MAN2A1: variants seen among roughly 807,000 people sequenced by gnomAD.
The protein encoded by MAN2A1 is mannosidase alpha class 2A member 1.
Under a neutral mutation model 142.6 loss-of-function variants are expected in MAN2A1, and 76 were observed. The ratio of observed to expected loss-of-function variants is 0.53; its 90% CI spans 0.44 to 0.65. MAN2A1 has a LOEUF of 0.65. Ranked by LOEUF, MAN2A1 falls within the 30% of genes least tolerant of loss-of-function variation. MAN2A1 has a pLI of 0.00. For synonymous variants in MAN2A1, 559 were observed against 473.2 expected, an observed-to-expected ratio of 1.18 and a Z score of -2.35; for missense variants, 1,311 against 1,365.1, an observed-to-expected ratio of 0.96 and a Z score of 0.62.
chr5:109,760,832 C>G (rs1752823112), intron 5 of MAN2A1, among the ~76,000 whole-genome samples: 1 of 151,984 alleles, frequency 6.6e-6, no homozygotes, highest in Non-Finnish European at 1.5e-5. Context: ...TCCCCTTTAT[C>G]ATTTTTTATT....
chr5:109,701,002 G>A (rs1404552278), intron 1 of MAN2A1, among the ~76,000 whole-genome samples: 1 of 152,346 alleles, frequency 6.6e-6, no homozygotes, highest in East Asian at 1.9e-4. Flanking sequence ...AGAAGTTAAA[G>A]AGGTTAGAAT....
intron 4 of MAN2A1, among the ~76,000 whole-genome samples, chr5:109,748,278 T>C (rs1248826986): frequency 1.3e-5 from 2 of 152,184 alleles, no homozygotes; most frequent in Non-Finnish European, 2.9e-5. Context: ...GATCTTCTTA[T>C]CTGATAGGTG....
At chr5:109,817,026 A>G (rs1219896268) in intron 12 of MAN2A1, among the ~76,000 whole-genome samples, 2 of 152,136 alleles carry the variant, frequency 1.3e-5, no homozygotes, top group African/African-American at 4.8e-5. Flanking sequence ...CAGATGTAGT[A>G]GCATGCACTA....
intron 16 of MAN2A1, among the ~76,000 whole-genome samples, chr5:109,827,001 A>G (rs559625295): frequency 8.8e-4 from 134 of 152,328 alleles, no homozygotes; most frequent in African/African-American, 3.0e-3. Context: ...AACAAAAAAT[A>G]TTTATTCTTG....
At chr5:109,730,843 C>G (rs1465798451) in intron 4 of MAN2A1, among the ~76,000 whole-genome samples, 1 of 152,160 alleles carries the variant, frequency 6.6e-6, no homozygotes, top group East Asian at 1.9e-4. Flanking sequence ...CTGTCCACCT[C>G]CAGAGGCTGT....
intron 16 of MAN2A1, among the ~76,000 whole-genome samples, chr5:109,831,671 G>A (rs766001082): frequency 9.9e-5 from 15 of 151,872 alleles, no homozygotes; most frequent in South Asian, 4.2e-4. Flanking sequence ...TTTAACTGTC[G>A]GAAACTTCAC....
Position 109,713,790 on chromosome 5 carries a change from G to T in MAN2A1, c.390+16G>T. ...AGATGTGCAGGTAATGTATACATTC[G>T]TTAATAATCACTGGCCTTTTTTTTT... On this transcript the variant is annotated intron_variant, in intron 2 of 21. Transcript: ENST00000261483. 3.2e-6 allele frequency: 5 copies of T among 1,566,646 alleles called. No homozygotes were observed. In the South Asian group the frequency reaches 4.8e-5, roughly 15 times the overall value.
chr5:109,770,514 C>T lies in MAN2A1; in HGVS notation c.1169C>T (p.Thr390Ile), dbSNP rs1209021824. Residue 390 changes from threonine to isoleucine, a missense_variant, in exon 7 of 22, where the codon ACA becomes ATA. Around this residue, in one of 3 missense-constraint regions of MAN2A1, gnomAD observed 890 missense variants for 920.5 expected, o/e 0.97. Transcript: ENST00000261483. ...FGCPWGVPPETIHPGNVQSRA... is the reference protein window; with the variant it reads ...FGCPWGVPPEIIHPGNVQSRA... ...TGTCCCTGGGGAGTCCCCCCAGAAA[C>T]AATACATCCTGGAAATGTCCAAAGC... 1.9e-6 allele frequency: 3 copies of T among 1,613,644 alleles called. No homozygotes were observed. Among genetic ancestry groups the T allele is most frequent in the African/African-American group, 2.7e-5 (2 of 74,902 alleles).
At chr5:109,784,618 C>CCTTT in intron 9 of MAN2A1, 126 bp from the exon 10 acceptor site, 1 of 659,452 alleles carries the variant, frequency 1.5e-6, no homozygotes, top group East Asian at 2.8e-5. Flanking sequence ...TTACCAATAT[C>CCTTT]TTTTTCATAA....
chr5:109,729,283 C>CT, intron 3 of MAN2A1, 59 bp from the exon 4 acceptor site: 8 of 1,087,340 alleles, frequency 7.4e-6, no homozygotes, highest in South Asian at 1.5e-5. Flanking sequence ...TGGAATGTGA[C>CT]TGAGTTGAAA....
chr5:109,796,420 A>G (rs1201340478), intron 12 of MAN2A1, among the ~76,000 whole-genome samples: 1 of 152,228 alleles, frequency 6.6e-6, no homozygotes, highest in South Asian at 2.1e-4. Flanking sequence ...CATACATATC[A>G]TAATGATCTT....
chr5:109,819,988 C>A, intron 14 of MAN2A1, 101 bp downstream of exon 14: 1 of 910,216 alleles, frequency 1.1e-6, no homozygotes, highest in Non-Finnish European at 1.7e-6. Flanking sequence ...TTAAGTAGAG[C>A]TGTATCAAAT....
At chr5:109,717,720 G>A (rs555912174) in intron 3 of MAN2A1, among the ~76,000 whole-genome samples, 5 of 152,230 alleles carry the variant, frequency 3.3e-5, no homozygotes, top group African/African-American at 1.2e-4. Context: ...TTGGCTCTGC[G>A]GTGTATTGCC....
intron 9 of MAN2A1, among the ~76,000 whole-genome samples, chr5:109,783,279 A>G (rs911216294): frequency 6.6e-6 from 1 of 152,196 alleles, no homozygotes; most frequent in Non-Finnish European, 1.5e-5. Flanking sequence ...GTATTTATTT[A>G]TACATAAGTT....
At chr5:109,771,042 C>T (rs192081256) in intron 7 of MAN2A1, among the ~76,000 whole-genome samples, 47 of 152,068 alleles carry the variant, frequency 3.1e-4, no homozygotes, top group South Asian at 2.3e-3. Flanking sequence ...ATGTTTTTGA[C>T]TTACAGTAAA....
At chr5:109,710,772 C>T (rs1751278237) in intron 1 of MAN2A1, among the ~76,000 whole-genome samples, 1 of 152,090 alleles carries the variant, frequency 6.6e-6, no homozygotes, top group Admixed American at 6.5e-5. Flanking sequence ...CTCACCACAA[C>T]CTCCGCCTCC....
intron 1 of MAN2A1, among the ~76,000 whole-genome samples, chr5:109,702,755 A>G (rs1029168143): frequency 2.6e-4 from 39 of 152,346 alleles, no homozygotes; most frequent in African/African-American, 9.4e-4. Context: ...AACCAATGGT[A>G]TGATATTTAG....
intron 1 of MAN2A1, 39 bp from the exon 2 acceptor site, chr5:109,713,481 T>A (rs1206044741): frequency 1.3e-6 from 2 of 1,535,232 alleles, no homozygotes; most frequent in Admixed American, 2.0e-5. Flanking sequence ...AGATCTATAT[T>A]AGTATTTCAT....
chr5:109,733,172 A>G (rs1196846169), intron 4 of MAN2A1, among the ~76,000 whole-genome samples: 2 of 151,878 alleles, frequency 1.3e-5, no homozygotes, highest in Non-Finnish European at 1.5e-5. Context: ...TTTGTCTGTT[A>G]TTGGTGTATA....
Sources: gnomAD v4.1 joint callset for allele counts (sites outside exome capture counted in the v4.1 genomes callset) on GRCh38, gnomAD v4.1.1 for gene constraint, gnomAD v4.1.1 regional missense constraint, MANE v1.5 for transcripts, NCBI Gene and HGNC (gene_info 2026-07-23, HGNC 2026-07-21) for gene names.